Variants in PRKCH observed in about 807,000 individuals in gnomAD.
The protein encoded by PRKCH is protein kinase C eta type.
PRKCH carries 28 observed loss-of-function variants against 82.5 expected under a neutral mutation model. The observed-to-expected ratio is 0.34, with a 90% CI of 0.25 to 0.47. The LOEUF is 0.47. Among genes scored for constraint, PRKCH ranks in the 20% least tolerant of loss-of-function variants. The pLI, the probability that PRKCH is intolerant of heterozygous loss-of-function variation, is 1.00. For synonymous variants in PRKCH, 322 were observed against 327.4 expected (o/e 0.98, Z 0.18); for missense variants, 705 against 881.8 (o/e 0.80, Z 2.54).
At chr14:61,486,465 C>T (rs376553508) in intron 10 of PRKCH, among the ~76,000 whole-genome samples, 28 of 152,146 alleles carry the variant, frequency 1.8e-4, no homozygotes, top group East Asian at 3.9e-4. Flanking sequence ...GAATGGACTC[C>T]GAATCTGCTT....
At chr14:61,424,163 T>C (rs1262345793) in intron 2 of PRKCH, among the ~76,000 whole-genome samples, 1 of 152,224 alleles carries the variant, frequency 6.6e-6, no homozygotes, top group Non-Finnish European at 1.5e-5. Flanking sequence ...TAAACCTCTT[T>C]TCTTTATAAA....
At chr14:61,200,203 C>T (rs981977990) in intron 1 of PRKCH, among the ~76,000 whole-genome samples, 1 of 151,866 alleles carries the variant, frequency 6.6e-6, no homozygotes, top group Admixed American at 6.6e-5. Context: ...GGAGAGAAAA[C>T]AGGACAAGTT....
At chr14:61,395,619 T>C (rs1363701742) in intron 2 of PRKCH, among the ~76,000 whole-genome samples, 1 of 152,130 alleles carries the variant, frequency 6.6e-6, no homozygotes, top group Non-Finnish European at 1.5e-5. Context: ...GGTCAGATGA[T>C]ATAATATATG....
At chr14:61,287,478 A>G (rs1318816797) in intron 1 of PRKCH, among the ~76,000 whole-genome samples, 1 of 152,072 alleles carries the variant, frequency 6.6e-6, no homozygotes, top group East Asian at 1.9e-4. Flanking sequence ...TGAGAGGCCA[A>G]GGCAGGCAGA....
At chr14:61,398,296 T>C (rs887482892) in intron 2 of PRKCH, among the ~76,000 whole-genome samples, 1 of 151,616 alleles carries the variant, frequency 6.6e-6, no homozygotes, top group African/African-American at 2.4e-5. Context: ...AAGAGTGGAG[T>C]AGCAAAAAAA....
chr14:61,250,600 G>A (rs2044937102), intron 1 of PRKCH, among the ~76,000 whole-genome samples: 2 of 152,076 alleles, frequency 1.3e-5, no homozygotes, highest in African/African-American at 2.4e-5. Flanking sequence ...AGGAGGGGAC[G>A]GATAGGTGGA....
chr14:61,238,436 C>T (rs1217896624), intron 1 of PRKCH, among the ~76,000 whole-genome samples: 1 of 152,166 alleles, frequency 6.6e-6, no homozygotes, highest in East Asian at 1.9e-4. Flanking sequence ...TGCCTCCTAA[C>T]TTTTCATATT....
At chr14:61,271,034 C>A (rs754904720) in intron 1 of PRKCH, among the ~76,000 whole-genome samples, 3 of 152,190 alleles carry the variant, frequency 2.0e-5, no homozygotes, top group Non-Finnish European at 4.4e-5. Context: ...GACTCCCTGG[C>A]AACCTTTTCA....
intron 2 of PRKCH, among the ~76,000 whole-genome samples, chr14:61,425,270 G>A (rs1594691391): frequency 1.3e-5 from 2 of 152,140 alleles, no homozygotes; most frequent in South Asian, 2.1e-4. Context: ...CTGGGCACCT[G>A]AAAAAGCCAC....
chr14:61,198,479 T>C (rs529640829), intron 1 of PRKCH, among the ~76,000 whole-genome samples: 76 of 152,322 alleles, frequency 5.0e-4, no homozygotes, highest in Non-Finnish European at 7.8e-4. Context: ...CTATGTCCCC[T>C]AAGTGGAATT....
At chr14:61,369,706 T>C (rs1046147872) in intron 1 of PRKCH, among the ~76,000 whole-genome samples, 2 of 152,166 alleles carry the variant, frequency 1.3e-5, no homozygotes, top group South Asian at 2.1e-4. Context: ...AACTCTAAAG[T>C]ATTACATGTT....
intron 11 of PRKCH, 80 bp downstream of exon 11, chr14:61,529,293 T>C (rs959734866): frequency 8.7e-6 from 13 of 1,500,330 alleles, no homozygotes; most frequent in Admixed American, 6.2e-5. Context: ...GCTGCTTTTA[T>C]GCACTGCAGC....
chr14:61,283,004 T>C (rs2045285302), intron 1 of PRKCH, among the ~76,000 whole-genome samples: 1 of 152,040 alleles, frequency 6.6e-6, no homozygotes, highest in Non-Finnish European at 1.5e-5. Context: ...AACTCGTCTC[T>C]AGGAAGGAAT....
At chr14:61,396,214 A>G (rs1217524067) in intron 2 of PRKCH, among the ~76,000 whole-genome samples, 1 of 152,038 alleles carries the variant, frequency 6.6e-6, no homozygotes, top group African/African-American at 2.4e-5. Flanking sequence ...GGGTTCTGCC[A>G]TAAGCTCAGA....
At chr14:61,532,353 T>G (rs150951036) in intron 12 of PRKCH, among the ~76,000 whole-genome samples, 69 of 152,372 alleles carry the variant, frequency 4.5e-4, no homozygotes, top group African/African-American at 1.7e-3. Flanking sequence ...TAAATTTTTA[T>G]ATTCTCTAAT....
intron 10 of PRKCH, among the ~76,000 whole-genome samples, chr14:61,509,210 A>T (rs1161717287): frequency 6.6e-6 from 1 of 152,210 alleles, no homozygotes; most frequent in East Asian, 1.9e-4. Context: ...ACGCGTAAAT[A>T]TGTATTTGTG....
At chr14:61,530,663 T>A in intron 12 of PRKCH, 68 bp downstream of exon 12, 1 of 1,457,648 alleles carries the variant, frequency 6.9e-7, no homozygotes, top group Non-Finnish European at 9.3e-7. Flanking sequence ...GCTGCTTGAG[T>A]CTTTTCAGTA....
chr14:61,280,085 GCCGGAATCA>G lies in PRKCH; in HGVS notation c.-19+92419_-19+92427del, dbSNP rs761167575. 2 of 1,600,654 alleles carry G rather than the reference GCCGGAATCA, an allele frequency of 1.2e-6. No individual in the cohort carries two copies. Among genetic ancestry groups the G allele is most frequent in the East Asian group, 4.5e-5 (2 of 44,640 alleles). Reference sequence around the variant, plus strand: ...AAGAAGCAGGAGGGATCCCTGGAAAGCCGGAATCACTCCTCGTCGTCGTCGTCCTGGTCC... The same window carrying G: ...AAGAAGCAGGAGGGATCCCTGGAAAGCTCCTCGTCGTCGTCGTCCTGGTCC... On this transcript the variant is annotated intron_variant, in intron 1 of 3. Coordinates refer to the PRKCH transcript ENST00000555185. This position sits in a 1 kb window ranked among gnomAD's most constrained non-coding sequence, Gnocchi z 5.0.
At chr14:61,279,933 C>CGT (rs1292419634) in intron 1 of PRKCH, 67 of 669,198 alleles carry the variant, frequency 1.0e-4, no homozygotes, top group Non-Finnish European at 1.5e-5. Context: ...TAGCAGCCCC[C>CGT]CAAGAGCAAG....
Sources: gnomAD v4.1 joint callset for allele counts (sites outside exome capture counted in the v4.1 genomes callset) on GRCh38, gnomAD v4.1.1 for gene constraint, Gnocchi (gnomAD v3.1) non-coding constraint, MANE v1.5 for transcripts, NCBI Gene and HGNC (gene_info 2026-07-23, HGNC 2026-07-21) for gene names.